Variants in MYO1H observed in about 807,000 individuals in gnomAD.
The protein encoded by MYO1H is myosin IH, also known as unconventional myosin-Ih.
Under a neutral mutation model 149.3 loss-of-function variants are expected in MYO1H, and 118 were observed. The observed-to-expected ratio is 0.79, with a 90% CI of 0.68 to 0.92. The LOEUF is 0.92. Ranked by LOEUF, MYO1H falls within the 40% of genes least tolerant of loss-of-function variation. The probability of loss-of-function intolerance (pLI) is 0.00; values close to 1 mark genes in which losing one functional copy is unlikely to be tolerated. For missense variants in MYO1H, 1,212 were observed against 1,280.7 expected, an observed-to-expected ratio of 0.95 and a Z score of 0.82; for synonymous variants, 447 against 465.2, an observed-to-expected ratio of 0.96 and a Z score of 0.50.
chr12:109,440,891 C>G, intron 25 of MYO1H, 64 bp downstream of exon 25: 3 of 1,146,862 alleles, frequency 2.6e-6, no homozygotes, highest in Non-Finnish European at 3.8e-6. Context: ...TCCTGAGTGT[C>G]AGTCCTCCTC....
chr12:109,409,246 C>CTT lies in MYO1H; in HGVS notation c.1156-284_1156-283dup, dbSNP rs66507410. Among the ~76,000 whole-genome samples the CTT allele has an allele frequency of 8.6e-3, 413 of 47,840 alleles. 1 individual carries two copies. Among genetic ancestry groups the CTT allele is most frequent in the Middle Eastern group, 0.013 (1 of 80 alleles). 31.4% of individuals were successfully genotyped at this position (47,840 alleles called of 152,430 possible). On this transcript the variant is annotated intron_variant, in intron 10 of 31. Transcript: ENST00000310903. Reference sequence around the variant, plus strand: ...TCTTTTTCTTCTTCTTCTTCTTCTTCTTTTTTTTTTTTTTTTTTTTTTTTT... The same window carrying CTT: ...TCTTTTTCTTCTTCTTCTTCTTCTTCTTTTTTTTTTTTTTTTTTTTTTTTTTT...
chr12:109,412,186 C>G (rs1382842605), intron 14 of MYO1H, among the ~76,000 whole-genome samples: 1 of 152,082 alleles, frequency 6.6e-6, no homozygotes, highest in Non-Finnish European at 1.5e-5. Context: ...GAGACATGGT[C>G]TCAGTCTGTC....
intron 15 of MYO1H, among the ~76,000 whole-genome samples, chr12:109,418,032 G>T (rs549636239): frequency 1.4e-4 from 22 of 151,726 alleles, no homozygotes; most frequent in Non-Finnish European, 2.4e-4. Context: ...TAGCCAGGAT[G>T]GTCTCGATCT....
At chr12:109,325,798 G>A in the MYO1H span, among the ~76,000 whole-genome samples, 3 of 152,088 alleles carry the variant, frequency 2.0e-5, no homozygotes, top group African/African-American at 7.2e-5. Context: ...ACATTTATGC[G>A]GCCAAGAAAA....
At chr12:109,315,781 G>C in the MYO1H span, among the ~76,000 whole-genome samples, 1 of 152,082 alleles carries the variant, frequency 6.6e-6, no homozygotes, top group South Asian at 2.1e-4. Context: ...GTCTTTCTTT[G>C]GTCTTATAAT....
rs548397941 is a variant in MYO1H at position 109,353,642 on chromosome 12, G to T, written c.12+5670G>T. ...TATACACCCACACACATGCACAGGGGTGGGGAGAACTAGAAGGAATATTCC... is the reference window on the plus strand; with the variant it reads ...TATACACCCACACACATGCACAGGGTTGGGGAGAACTAGAAGGAATATTCC... On this transcript the variant is annotated intron_variant, in intron 1 of 31. Coordinates refer to ENST00000310903, the Ensembl canonical transcript of MYO1H. 2.7e-3 allele frequency among the ~76,000 whole-genome samples: 406 copies of T among 152,130 alleles called. 1 individual carries two copies. The highest frequency in any genetic ancestry group is 4.8e-3 in the Non-Finnish European group (328 of 68,000).
exon 2 of MYO1H, chr12:109,388,773 T>C: frequency 1.9e-6 from 3 of 1,613,252 alleles, no homozygotes; most frequent in South Asian, 2.2e-5. Flanking sequence ...TTTTGTGCTA[T>C]TGGACGCGTA....
intron 14 of MYO1H, 26 bp from the exon 15 acceptor site, chr12:109,415,500 A>G: frequency 6.4e-7 from 1 of 1,571,350 alleles, no homozygotes; most frequent in Non-Finnish European, 8.6e-7. Context: ...AAGAAAGTTC[A>G]ACTCGTGTCT....
intron 23 of MYO1H, 181 bp from the exon 24 acceptor site, chr12:109,439,450 A>C: frequency 1.9e-6 from 1 of 512,930 alleles, no homozygotes; most frequent in South Asian, 3.6e-5. Flanking sequence ...CCTCAAAACA[A>C]AACAAAAGGC....
rs112274053 is a variant in MYO1H at position 109,437,443 on chromosome 12, T to C, written c.2209+887T>C. ...ATGTGCATAGATTTAGTTATTCATT[T>C]GCTGATAGCTACATAGTATTCCACT... is the stretch of plus-strand genomic sequence containing the variant. On this transcript the variant is annotated intron_variant, in intron 22 of 31. Transcript: ENST00000310903. Among the ~76,000 whole-genome samples the C allele has an allele frequency of 6.8e-4, 104 of 152,354 alleles. 1 individual carries two copies. Among genetic ancestry groups the C allele is most frequent in the African/African-American group, 2.4e-3 (98 of 41,574 alleles).
At chr12:109,388,922 T>C in intron 2 of MYO1H, 78 bp downstream of exon 2, 1 of 1,481,622 alleles carries the variant, frequency 6.7e-7, no homozygotes, top group Non-Finnish European at 9.1e-7. Flanking sequence ...TGAGTGTGAA[T>C]AATAGCACTC....
At chr12:109,356,409 CA>C (rs1407796060) in intron 1 of MYO1H, among the ~76,000 whole-genome samples, 1 of 151,596 alleles carries the variant, frequency 6.6e-6, no homozygotes, top group Non-Finnish European at 1.5e-5. Flanking sequence ...TGTTTTTTTA[CA>C]AGATCAGCTA....
chr12:109,405,066 A>G (rs922226206), intron 7 of MYO1H, among the ~76,000 whole-genome samples: 2 of 152,016 alleles, frequency 1.3e-5, no homozygotes, highest in African/African-American at 4.8e-5. Context: ...TTTAAAAATT[A>G]GCTAGGCATG....
chr12:109,445,652 A>G (rs1473527137), intron 31 of MYO1H, 40 bp downstream of exon 31: 1 of 1,593,636 alleles, frequency 6.3e-7, no homozygotes, highest in Non-Finnish European at 8.5e-7. Flanking sequence ...GCCGTTTTAG[A>G]TGAGAATATA....
rs1198896182 is a variant in MYO1H at position 109,443,132 on chromosome 12, ATGTGTGTATATGTGTACGTATG to A, written c.2689-354_2689-333del. Among the ~76,000 whole-genome samples, 5 of 71,664 alleles carry A rather than the reference ATGTGTGTATATGTGTACGTATG, an allele frequency of 7.0e-5. 1 individual carries two copies. The highest frequency in any genetic ancestry group is 3.4e-4 in the African/African-American group (5 of 14,870). The allele number at this position is 71,664 out of a possible 152,430, so 47.0% of individuals were successfully genotyped here. A position where few individuals can be genotyped will look rare whatever the true frequency, so the allele number is the denominator to read the frequency against. ...TATGTGTGTATATGTGTACGTATAT[ATGTGTGTATATGTGTACGTATG>A]TGTGTGTATATGTGTACGTATGTGT... On this transcript the variant is annotated intron_variant, in intron 27 of 31. Coordinates refer to ENST00000310903, the Ensembl canonical transcript of MYO1H.
At chr12:109,368,581 G>T (rs1234054800) in intron 1 of MYO1H, among the ~76,000 whole-genome samples, 1 of 148,942 alleles carries the variant, frequency 6.7e-6, no homozygotes, top group Non-Finnish European at 1.5e-5. Flanking sequence ...GCTTGAACCC[G>T]AGAGGTGGAG....
chr12:109,375,683 A>G (rs1869073303), intron 1 of MYO1H, among the ~76,000 whole-genome samples: 1 of 152,214 alleles, frequency 6.6e-6, no homozygotes, highest in Non-Finnish European at 1.5e-5. Context: ...CATATGAATT[A>G]TGAAGAAATC....
intron 1 of MYO1H, among the ~76,000 whole-genome samples, chr12:109,382,198 A>T (rs893188308): frequency 3.3e-5 from 5 of 152,216 alleles, no homozygotes; most frequent in African/African-American, 1.2e-4. Context: ...TATGCTGCCT[A>T]TGAAGTCTTT....
chr12:109,325,875 T>C, the MYO1H span, among the ~76,000 whole-genome samples: 1 of 152,180 alleles, frequency 6.6e-6, no homozygotes, highest in Non-Finnish European at 1.5e-5. Flanking sequence ...TGAGATACCA[T>C]CTCACGCCAG....
Sources: allele counts gnomAD v4.1 joint callset (sites outside exome capture counted in the v4.1 genomes callset), GRCh38; gene constraint gnomAD v4.1.1; transcripts MANE v1.5; gene names NCBI Gene and HGNC (gene_info 2026-07-23, HGNC 2026-07-21).